The following PDE4B variants were observed in gnomAD, a reference collection of about 807,000 sequenced individuals.
PDE4B encodes phosphodiesterase 4B.
A neutral mutation model predicts 82.2 loss-of-function variants in PDE4B; 20 were observed. The ratio of observed to expected loss-of-function variants is 0.24; its 90% confidence interval spans 0.17 to 0.35. The LOEUF is 0.35. Ranked by LOEUF, PDE4B falls within the 10% of genes least tolerant of loss-of-function variation. The pLI is 1.00. For missense variants in PDE4B, 655 were observed against 907.2 expected (o/e 0.72, Z 3.57); for synonymous variants, 320 against 318.9 (o/e 1.00, Z -0.04).
At chr1:66,316,215 G>A (rs1056619426) in intron 7 of PDE4B, among the ~76,000 whole-genome samples, 12 of 152,136 alleles carry the variant, frequency 7.9e-5, no homozygotes, top group Admixed American at 5.2e-4. Context: ...GTATGTTTCT[G>A]CAACGAACTT....
At chr1:66,340,877 A>G (rs1337182208) in intron 8 of PDE4B, among the ~76,000 whole-genome samples, 1 of 152,206 alleles carries the variant, frequency 6.6e-6, no homozygotes, top group African/African-American at 2.4e-5. Context: ...ATTTCAACTC[A>G]ATTATATAGG....
intron 3 of PDE4B, among the ~76,000 whole-genome samples, chr1:65,948,421 A>C (rs1648822649): frequency 6.6e-6 from 1 of 151,980 alleles, no homozygotes; most frequent in South Asian, 2.1e-4. Context: ...TGAGTCTCAA[A>C]ACTGAAGAAC....
At chr1:66,111,002 G>A (rs933739390) in intron 3 of PDE4B, among the ~76,000 whole-genome samples, 3 of 151,928 alleles carry the variant, frequency 2.0e-5, no homozygotes, top group Non-Finnish European at 4.4e-5. Flanking sequence ...CGCCCTGGAA[G>A]CAAATATGGA....
At chr1:66,310,025 T>G (rs1010651539) in intron 7 of PDE4B, among the ~76,000 whole-genome samples, 10 of 152,126 alleles carry the variant, frequency 6.6e-5, no homozygotes, top group African/African-American at 2.4e-4. Context: ...CCTTGGTAGC[T>G]TACATCCTGT....
At chr1:65,904,878 A>T (rs1647010977) in intron 1 of PDE4B, among the ~76,000 whole-genome samples, 1 of 152,184 alleles carries the variant, frequency 6.6e-6, no homozygotes, top group Non-Finnish European at 1.5e-5. Context: ...GGGACTATAG[A>T]ATAGTGCCTG....
intron 1 of PDE4B, among the ~76,000 whole-genome samples, chr1:65,873,317 A>G (rs1646595758): frequency 6.6e-6 from 1 of 152,212 alleles, no homozygotes; most frequent in African/African-American, 2.4e-5. Flanking sequence ...TAGGGGCAGC[A>G]ATGAAACGTG....
At chr1:65,866,760 G>A (rs970599291) in intron 1 of PDE4B, among the ~76,000 whole-genome samples, 1 of 152,156 alleles carries the variant, frequency 6.6e-6, no homozygotes, top group African/African-American at 2.4e-5. Flanking sequence ...AACCCTGCTG[G>A]AGAAATGGTA....
At chr1:65,917,528 G>A (rs1010441442) in intron 2 of PDE4B, among the ~76,000 whole-genome samples, 1 of 152,122 alleles carries the variant, frequency 6.6e-6, no homozygotes, top group Non-Finnish European at 1.5e-5. Flanking sequence ...CTGTCTTTTA[G>A]CTGGTATGAA....
At chr1:66,329,157 G>A (rs917920993) in intron 7 of PDE4B, among the ~76,000 whole-genome samples, 1 of 152,160 alleles carries the variant, frequency 6.6e-6, no homozygotes, top group Non-Finnish European at 1.5e-5. Context: ...TCAGGTTGCT[G>A]TGAGGGTCTG....
At chr1:66,101,604 G>A (rs185625751) in intron 3 of PDE4B, among the ~76,000 whole-genome samples, 2 of 152,204 alleles carry the variant, frequency 1.3e-5, no homozygotes, top group Non-Finnish European at 2.9e-5. Context: ...ATTTTTTCAT[G>A]TGTCTGTTGG....
chr1:66,190,299 G>T (rs1419222138), intron 3 of PDE4B, among the ~76,000 whole-genome samples: 1 of 152,192 alleles, frequency 6.6e-6, no homozygotes, highest in Non-Finnish European at 1.5e-5. Context: ...ACTTGAGGAG[G>T]CAGTCTGTCC....
intron 7 of PDE4B, among the ~76,000 whole-genome samples, chr1:66,327,844 G>A (rs1659843512): frequency 1.3e-5 from 2 of 152,218 alleles, no homozygotes; most frequent in South Asian, 2.1e-4. Flanking sequence ...GAAGAGATCC[G>A]AGGGTAAGAT....
At chr1:66,346,468 A>C (rs1443967605) in intron 8 of PDE4B, among the ~76,000 whole-genome samples, 1 of 152,230 alleles carries the variant, frequency 6.6e-6, no homozygotes, top group African/African-American at 2.4e-5. Flanking sequence ...TAACTTAAGC[A>C]TAAGACCATT....
At chr1:65,986,208 A>T (rs958620160) in intron 3 of PDE4B, among the ~76,000 whole-genome samples, 6 of 152,210 alleles carry the variant, frequency 3.9e-5, no homozygotes, top group African/African-American at 1.2e-4. Context: ...GCCTCTGAAG[A>T]TACAAAGGTG....
chr1:65,797,115 G>T (rs1470255320), intron 1 of PDE4B, among the ~76,000 whole-genome samples: 1 of 151,618 alleles, frequency 6.6e-6, no homozygotes, highest in Non-Finnish European at 1.5e-5. Flanking sequence ...ACCACGCCTG[G>T]CTAATTTTTT....
At chr1:66,330,635 A>T (rs1236109971) in intron 7 of PDE4B, 1 of 230,776 alleles carries the variant, frequency 4.3e-6, no homozygotes, top group Non-Finnish European at 7.1e-6. Flanking sequence ...AGCAGCTGGG[A>T]AGTGGTTGGA....
chr1:65,969,236 G>T (rs931672636), intron 3 of PDE4B, among the ~76,000 whole-genome samples: 16 of 152,116 alleles, frequency 1.1e-4, no homozygotes, highest in Admixed American at 9.8e-4. Context: ...GCTGACAGCC[G>T]CCACCATCTC....
chr1:65,931,601 C>A (rs12737722), intron 3 of PDE4B, among the ~76,000 whole-genome samples: 1 of 151,954 alleles, frequency 6.6e-6, no homozygotes, highest in Admixed American at 6.5e-5. Flanking sequence ...AGAAGTGATA[C>A]CCTCCTTCCC....
At chr1:66,314,258 C>T (rs1253722142) in intron 7 of PDE4B, among the ~76,000 whole-genome samples, 2 of 152,192 alleles carry the variant, frequency 1.3e-5, no homozygotes, top group African/African-American at 2.4e-5. Context: ...AGCCATCTTA[C>T]ATCCTCCTGC....
Sources: allele counts gnomAD v4.1 joint callset (sites outside exome capture counted in the v4.1 genomes callset), GRCh38; gene constraint gnomAD v4.1.1; transcripts MANE v1.5; gene names NCBI Gene and HGNC (gene_info 2026-07-23, HGNC 2026-07-21).